Variants in MPDU1 observed in about 807,000 individuals in gnomAD.
MPDU1 encodes mannose-P-dolichol utilization defect 1 protein.
In MPDU1, 18 loss-of-function variants were observed where a neutral mutation model predicts 27.6. The ratio of observed to expected loss-of-function variants is 0.65; its 90% confidence interval spans 0.45 to 0.97. The LOEUF (loss-of-function observed/expected upper bound fraction) is 0.97. Among genes scored for constraint, MPDU1 ranks in the 50% least tolerant of loss-of-function variants. The pLI is 0.00. For missense variants in MPDU1, 279 were observed against 297.4 expected, an observed-to-expected ratio of 0.94 and a Z score of 0.46; for synonymous variants, 142 against 131.1, an observed-to-expected ratio of 1.08 and a Z score of -0.57.
At position 7,586,927 on chromosome 17, in the gene MPDU1, G is replaced by A. The variant is rs375096679; in HGVS notation, c.417G>A (p.Leu139=). 1 of 1,614,012 alleles carries A rather than the reference G, an allele frequency of 6.2e-7. No homozygotes were observed. Among genetic ancestry groups the A allele is most frequent in the East Asian group, 2.2e-5 (1 of 44,864 alleles). The part of the protein sequence containing the change: ...KGVAFLACYG[L]VLLVLLSPLT... ...TCGCTTTCCTCGCTTGCTACGGCCT[G>A]GTCCTGCTGGTGCTTCTCTCACCTC... The change falls in exon 5 of 7, where the codon CTG becomes CTA. Residue 139 remains leucine (L), a synonymous_variant. Coordinates refer to ENST00000250124, the MANE Select transcript of MPDU1 (RefSeq NM_004870.4).
At position 7,587,075 on chromosome 17, in the gene MPDU1, G is replaced by T. The variant is rs114270055; in HGVS notation, c.507+58G>T. 33 of 1,547,146 alleles carry T rather than the reference G, an allele frequency of 2.1e-5. No individual in the cohort carries two copies. In the African/African-American group the frequency reaches 3.6e-4, roughly 17 times the overall value. On this transcript the variant is annotated intron_variant, in intron 5 of 6. Transcript: ENST00000250124. ...GGGGGCAGGGTGGGGGGGAAGAGTA[G>T]AAGATCAAAGTGTGGGGGTGTTGTA...
In MPDU1 at chr17:7,583,884, C is replaced by G. The variant is rs935773343; in HGVS notation, c.22C>G (p.Pro8Ala). The G allele has an allele frequency of 1.2e-6, 2 of 1,614,018 alleles. No homozygotes were observed. The highest frequency in any genetic ancestry group is 1.7e-5 in the Admixed American group (1 of 60,014). ...CAATATGGCGGCCGAGGCGGACGGA[C>G]CGCTTAAACGGCTGCTCGTGCCGAT... MAAEADG[P>A]LKRLLVPILL... The change falls in exon 1 of 7, where the codon CCG (proline) becomes GCG (alanine). Residue 8 changes from proline (P) to alanine (A), a missense_variant. Physicochemically the swap from Pro to Ala is conservative, Grantham distance 27 (BLOSUM62 -1). Coordinates refer to ENST00000250124, the MANE Select transcript of MPDU1 (RefSeq NM_004870.4).
chr17:7,583,696 C>T (rs905630614), upstream of MPDU1: 4 of 809,094 alleles, frequency 4.9e-6, no homozygotes, highest in Non-Finnish European at 6.5e-6. Flanking sequence ...CTGACTGAGA[C>T]TTATTTTACG....
At chr17:7,583,680 T>C (rs1715071871), upstream of MPDU1, 1 of 765,242 alleles carries the variant, frequency 1.3e-6, no homozygotes, top group Non-Finnish European at 2.3e-6. Context: ...GTCCAAAACG[T>C]GGTCCCTGAC....
chr17:7,585,418 T>G (rs901449122), intron 1 of MPDU1, among the ~76,000 whole-genome samples: 5 of 151,908 alleles, frequency 3.3e-5, no homozygotes, highest in African/African-American at 9.7e-5. Context: ...GTGCCTGTAA[T>G]TCTAGCTACT....
At chr17:7,585,709 C>T (rs1394584904) in intron 1 of MPDU1, 23 bp from the exon 2 acceptor site, 1 of 1,613,450 alleles carries the variant, frequency 6.2e-7, no homozygotes, top group Admixed American at 1.7e-5. Flanking sequence ...CTCCTGTCTG[C>T]TTACCCTTTT....
chr17:7,585,442 C>G (rs2071564707), intron 1 of MPDU1, among the ~76,000 whole-genome samples: 1 of 151,552 alleles, frequency 6.6e-6, no homozygotes, highest in African/African-American at 2.4e-5. Context: ...GAGGCTGAGA[C>G]AAGAGAATTG....
rs769224800 is a variant in MPDU1 at position 7,588,126 on chromosome 17, G to A, written c.*575G>A. ...GCGGAAGGGAGTGGAGATGGGGCTGGTTCCTGCTGCAGTGAGGGGAACAGA... is the reference window on the plus strand; with the variant it reads ...GCGGAAGGGAGTGGAGATGGGGCTGATTCCTGCTGCAGTGAGGGGAACAGA... On this transcript the variant is annotated 3_prime_UTR_variant, in exon 7 of 7. Coordinates refer to ENST00000250124, the MANE Select transcript of MPDU1 (RefSeq NM_004870.4). 3 of 640,572 alleles carry A rather than the reference G, an allele frequency of 4.7e-6. No homozygotes were observed. Among genetic ancestry groups the A allele is most frequent in the Non-Finnish European group, 8.7e-6 (3 of 346,664 alleles). 39.7% of individuals were successfully genotyped at this position (640,572 alleles called of 1,614,324 possible). A position where few individuals can be genotyped will look rare whatever the true frequency, so the allele number is the denominator to read the frequency against.
chr17:7,586,396 G>A lies in MPDU1; in HGVS notation c.303-296G>A, dbSNP rs562389534. On this transcript the variant is annotated intron_variant, in intron 3 of 6. Transcript: ENST00000250124. ...AGAGGTTGCAGTGAGCCAAGATTGCGCCACTGCACTCCAGCCTGGGCAACA... is the reference window on the plus strand; with the variant it reads ...AGAGGTTGCAGTGAGCCAAGATTGCACCACTGCACTCCAGCCTGGGCAACA... 123 of 512,128 alleles carry A rather than the reference G, an allele frequency of 2.4e-4. 1 individual carries two copies. Among genetic ancestry groups the A allele is most frequent in the Admixed American group, 1.2e-3 (38 of 31,608 alleles). 31.7% of individuals were successfully genotyped at this position (512,128 alleles called of 1,614,324 possible).
chr17:7,586,788 C>T lies in MPDU1; in HGVS notation c.388+11C>T. The T allele has an allele frequency of 6.2e-7, 1 of 1,613,806 alleles. No homozygotes were observed. Among genetic ancestry groups the T allele is most frequent in the Non-Finnish European group, 8.5e-7 (1 of 1,179,738 alleles). Reference sequence around the variant, plus strand: ...GACAGACTGTGAAAGGTGCTGGGGACTTACCCAAGAGCAGGCTGTGTGGTT... The same window carrying T: ...GACAGACTGTGAAAGGTGCTGGGGATTTACCCAAGAGCAGGCTGTGTGGTT... On this transcript the variant is annotated intron_variant, in intron 4 of 6. Transcript: ENST00000250124.
chr17:7,585,275 C>T (rs993668925), intron 1 of MPDU1, among the ~76,000 whole-genome samples: 4 of 151,944 alleles, frequency 2.6e-5, no homozygotes, highest in African/African-American at 9.7e-5. Context: ...GTAGCTCGAG[C>T]TTATAATCCC....
intron 6 of MPDU1, 28 bp downstream of exon 6, chr17:7,587,299 G>A (rs1312679197): frequency 4.3e-6 from 7 of 1,612,978 alleles, no homozygotes; most frequent in South Asian, 3.3e-5. Flanking sequence ...CTTCTAGAAG[G>A]CACTAAAACC....
Position 7,587,029 on chromosome 17 carries a change from G to A in MPDU1, c.507+12G>A. On this transcript the variant is annotated intron_variant, in intron 5 of 6. Coordinates refer to ENST00000250124, the MANE Select transcript of MPDU1 (RefSeq NM_004870.4). ...TGGTGGTGGGGAGGGTGGGTACCAG[G>A]AGCAAGGGACAAGATGTTGTGGGGG... is the stretch of plus-strand genomic sequence containing the variant. The A allele has an allele frequency of 6.8e-7, 1 of 1,477,526 alleles. No individual in the cohort carries two copies. 91.5% of individuals were successfully genotyped at this position (1,477,526 alleles called of 1,614,324 possible).
At position 7,587,900 on chromosome 17, in the gene MPDU1, C is replaced by T. The variant is rs1168531467; in HGVS notation, c.*349C>T. The T allele has an allele frequency of 2.0e-6, 1 of 490,542 alleles. No individual in the cohort carries two copies. The highest frequency in any genetic ancestry group is 1.9e-5 in the African/African-American group (1 of 51,536). The allele number at this position is 490,542 out of a possible 1,614,324, so 30.4% of individuals were successfully genotyped here. Reference sequence around the variant, plus strand: ...CAAATGTTTTACCCTGTCCTCCAGCCTCCCTGCTTCCCTTCTGGCCCTGGA... The same window carrying T: ...CAAATGTTTTACCCTGTCCTCCAGCTTCCCTGCTTCCCTTCTGGCCCTGGA... On this transcript the variant is annotated 3_prime_UTR_variant, in exon 7 of 7. Transcript: ENST00000250124.
At chr17:7,583,713 G>A, upstream of MPDU1, 1 of 843,866 alleles carries the variant, frequency 1.2e-6, no homozygotes, top group South Asian at 1.3e-5. Flanking sequence ...TACGCCACTA[G>A]AGTGAGGGTG....
Position 7,583,953 on chromosome 17 carries a change from G to C in MPDU1, c.91G>C (p.Asp31His), listed in dbSNP as rs548895130. 57 of 1,613,958 alleles carry C rather than the reference G, an allele frequency of 3.5e-5. No individual in the cohort carries two copies. The highest frequency in any genetic ancestry group is 4.7e-5 in the Non-Finnish European group (56 of 1,180,034). ...KCYDQLFVQW[D>H]LLHVPCLKIL... ...CTACGACCAACTTTTCGTTCAGTGGGACTTGCTTCACGGTGAGTTTTATTC... is the reference window on the plus strand; with the variant it reads ...CTACGACCAACTTTTCGTTCAGTGGCACTTGCTTCACGGTGAGTTTTATTC... Residue 31 changes from aspartate (D) to histidine (H), a missense_variant, in exon 1 of 7, where the codon GAC becomes CAC. Transcript: ENST00000250124.
chr17:7,585,264 G>A (rs1486814909), intron 1 of MPDU1, among the ~76,000 whole-genome samples: 1 of 151,918 alleles, frequency 6.6e-6, no homozygotes, highest in East Asian at 1.9e-4. Flanking sequence ...GGCCCGGTGC[G>A]GTAGCTCGAG....
chr17:7,586,800 C>G, intron 4 of MPDU1, 23 bp downstream of exon 4: 1 of 1,613,152 alleles, frequency 6.2e-7, no homozygotes, highest in Non-Finnish European at 8.5e-7. Flanking sequence ...TACCCAAGAG[C>G]AGGCTGTGTG....
At position 7,585,715 on chromosome 17, in the gene MPDU1, C is replaced by CT. The variant is rs1376271861; in HGVS notation, c.104-11dup. 1.2e-6 allele frequency: 2 copies of CT among 1,613,846 alleles called. No individual in the cohort carries two copies. Among genetic ancestry groups the CT allele is most frequent in the South Asian group, 2.2e-5 (2 of 91,056 alleles). On this transcript the variant is annotated splice_polypyrimidine_tract_variant and intron_variant, in intron 1 of 6. Coordinates refer to ENST00000250124, the MANE Select transcript of MPDU1 (RefSeq NM_004870.4). Reference sequence around the variant, plus strand: ...TTCAGACATCTCCTGTCTGCTTACCCTTTTTTCTCTCCTCAGTCCCCTGCC... The same window carrying CT: ...TTCAGACATCTCCTGTCTGCTTACCCTTTTTTTCTCTCCTCAGTCCCCTGCC...
Sources: gnomAD v4.1 joint callset for allele counts (sites outside exome capture counted in the v4.1 genomes callset) on GRCh38, gnomAD v4.1.1 for gene constraint, MANE v1.5 for transcripts, NCBI Gene and HGNC (gene_info 2026-07-23, HGNC 2026-07-21) for gene names.